Variants in TG observed in about 807,000 individuals in gnomAD.
TG encodes thyroid hormones.
TG carries 270 observed loss-of-function variants against 324.7 expected under a neutral mutation model. The ratio of observed to expected loss-of-function variants is 0.83; its 90% CI spans 0.75 to 0.92. The LOEUF is 0.92. TG is among the 40% of genes least tolerant of loss of function. The probability of loss-of-function intolerance (pLI) is 0.00; values close to 1 mark genes in which losing one functional copy is unlikely to be tolerated. For missense variants in TG, 3,591 were observed against 3,456.4 expected (o/e 1.04, Z -0.98); for synonymous variants, 1,401 against 1,327.0 (o/e 1.06, Z -1.21).
At chr8:133,067,562 G>A (rs1381014342) in intron 41 of TG, among the ~76,000 whole-genome samples, 5 of 152,096 alleles carry the variant, frequency 3.3e-5, no homozygotes, top group South Asian at 2.1e-4. Context: ...GATCACCTGA[G>A]GTCAGGAGTT....
intron 26 of TG, among the ~76,000 whole-genome samples, chr8:132,946,037 TACAC>T (rs5895165): frequency 0.033 from 3,901 of 116,884 alleles, 102 homozygotes; most frequent in African/African-American, 0.076. Flanking sequence ...AAAAATATGT[TACAC>T]ACACACACAC....
chr8:132,937,229 G>A lies in TG; in HGVS notation c.5041+1365G>A, dbSNP rs182172531. Among the ~76,000 whole-genome samples the A allele has an allele frequency of 3.7e-3, 559 of 152,300 alleles. 6 individuals carry two copies. Among genetic ancestry groups the A allele is most frequent in the African/African-American group, 0.013 (525 of 41,560 alleles). On this transcript the variant is annotated intron_variant, in intron 25 of 47. Transcript: ENST00000220616. ...GGGGAGTACAGGTGTCACTCTCTGA[G>A]GTTCGTAACTCAGGGCAAGTGGCTC...
At chr8:133,107,978 T>TC (rs1358277647) in intron 43 of TG, among the ~76,000 whole-genome samples, 29,998 of 140,114 alleles carry the variant, frequency 0.21, 3,805 homozygotes, top group South Asian at 0.28. Flanking sequence ...TCTTTTCTTT[T>TC]CTTCTTTTTT....
At chr8:133,021,515 T>C (rs891361536) in intron 39 of TG, among the ~76,000 whole-genome samples, 2 of 152,204 alleles carry the variant, frequency 1.3e-5, no homozygotes, top group African/African-American at 4.8e-5. Context: ...GTTTAATAGT[T>C]GCTCAGGCTG....
chr8:133,096,307 A>G lies in TG; in HGVS notation c.7506A>G (p.Val2502=). 1 of 1,614,200 alleles carries G rather than the reference A, an allele frequency of 6.2e-7. No homozygotes were observed. Among genetic ancestry groups the G allele is most frequent in the South Asian group, 1.1e-5 (1 of 91,082 alleles). The change falls in exon 43 of 48, where the codon GTA becomes GTG. Residue 2502 remains valine, a synonymous_variant. Transcript: ENST00000220616. ...PARALKRSLW[V]EVDLLIGSSQ... ...GAGCACTGAAGAGGTCTTTATGGGTAGAGGTCGATCTGCTCATTGGGAGTT... is the reference window on the plus strand; with the variant it reads ...GAGCACTGAAGAGGTCTTTATGGGTGGAGGTCGATCTGCTCATTGGGAGTT...
chr8:132,980,887 C>A (rs561050567), intron 34 of TG, among the ~76,000 whole-genome samples: 2 of 152,064 alleles, frequency 1.3e-5, no homozygotes, highest in East Asian at 1.9e-4. Context: ...GCACTGCATG[C>A]GGTAAGAGTA....
chr8:132,912,301 A>G (rs1030452333), intron 19 of TG, among the ~76,000 whole-genome samples: 3 of 152,158 alleles, frequency 2.0e-5, no homozygotes, highest in African/African-American at 7.2e-5. Context: ...TCTTTCTCCA[A>G]AGAGAGCCTG....
intron 45 of TG, among the ~76,000 whole-genome samples, chr8:133,118,187 G>A (rs72729570): frequency 0.02 from 3,118 of 152,220 alleles, 57 homozygotes; most frequent in Middle Eastern, 0.034. Context: ...GACATGGCCA[G>A]TGATTTGGCC....
chr8:132,882,058 T>C, intron 6 of TG, 89 bp downstream of exon 6: 2 of 958,698 alleles, frequency 2.1e-6, no homozygotes, highest in South Asian at 2.8e-5. Context: ...AAAGCACAGC[T>C]AGAGTGACTG....
Position 133,096,070 on chromosome 8 carries a change from T to G in TG, c.7405-136T>G, listed in dbSNP as rs182347945. 5.2e-4 allele frequency: 554 copies of G among 1,055,484 alleles called. 4 individuals are homozygous for G. The highest frequency in any genetic ancestry group is 1.2e-3 in the South Asian group (92 of 75,520). The allele number at this position is 1,055,484 out of a possible 1,614,324, so 65.4% of individuals were successfully genotyped here. On this transcript the variant is annotated intron_variant, in intron 42 of 47. Coordinates refer to ENST00000220616, the MANE Select transcript of TG (RefSeq NM_003235.5). ...TGTCACATGGTGTCCTGCCTGCCAGTTGTCCTGGTCACTTTTTCTCAGTAG... is the reference window on the plus strand; with the variant it reads ...TGTCACATGGTGTCCTGCCTGCCAGGTGTCCTGGTCACTTTTTCTCAGTAG...
rs773948714 is a variant in TG, at chr8:132,971,818, C to G, written c.6000C>G (p.Cys2000Trp). The G allele has an allele frequency of 4.3e-6, 7 of 1,613,314 alleles. No individual in the cohort carries two copies. Among genetic ancestry groups the G allele is most frequent in the Non-Finnish European group, 5.9e-6 (7 of 1,179,416 alleles). Residue 2000 changes from cysteine (C) to tryptophan (W), a missense_variant, in exon 33 of 48, where the codon TGC (cysteine) becomes TGG (tryptophan). By Grantham distance (215) the Cys-to-Trp change is radical. Transcript: ENST00000220616. The stretch of plus-strand genomic sequence containing the variant: ...GGTTCTTTGAATGTGAACGACGGTG[C>G]GATGCGGACCCATGCTGCACTGGCT... ...SNGFFECERR[C>W]DADPCCTGFG...
chr8:133,083,529 A>G (rs983133992), intron 41 of TG, among the ~76,000 whole-genome samples: 3 of 152,142 alleles, frequency 2.0e-5, no homozygotes, highest in African/African-American at 7.2e-5. Flanking sequence ...GATGGACCCC[A>G]TGGCCTATGC....
At chr8:133,078,773 C>T (rs962716769) in intron 41 of TG, among the ~76,000 whole-genome samples, 1 of 152,212 alleles carries the variant, frequency 6.6e-6, no homozygotes, top group African/African-American at 2.4e-5. Context: ...CTTTAGCCAA[C>T]ATCTATTGTA....
At chr8:132,989,357 T>G (rs967408686) in intron 35 of TG, among the ~76,000 whole-genome samples, 1 of 152,236 alleles carries the variant, frequency 6.6e-6, no homozygotes, top group East Asian at 1.9e-4. Flanking sequence ...CTATGTGTGT[T>G]TCACATGAAT....
In TG at chr8:132,898,325, C is replaced by T. The variant is rs947597301; in HGVS notation, c.3217+79C>T. Reference sequence around the variant, plus strand: ...GTCTAGTCAGCTGTGGTTGCCTAACCGCTGGAGACTCCATGGCCCAGCCCT... The same window carrying T: ...GTCTAGTCAGCTGTGGTTGCCTAACTGCTGGAGACTCCATGGCCCAGCCCT... On this transcript the variant is annotated intron_variant, in intron 13 of 47. Transcript: ENST00000220616. The T allele has an allele frequency of 3.3e-5, 45 of 1,365,316 alleles. No individual in the cohort carries two copies. In the Middle Eastern group the frequency reaches 7.4e-4, roughly 23 times the overall value. 84.6% of individuals were successfully genotyped at this position (1,365,316 alleles called of 1,614,324 possible). A position where few individuals can be genotyped will look rare whatever the true frequency, so the allele number is the denominator to read the frequency against.
rs565846823 is a variant in TG at position 132,965,052 on chromosome 8, A to G, written c.5549-1508A>G. 2.3e-4 allele frequency: 152 copies of G among 655,192 alleles called. 3 individuals are homozygous for G. In the South Asian group the frequency reaches 2.4e-3, roughly 10 times the overall value. The allele number at this position is 655,192 out of a possible 1,614,324, so 40.6% of individuals were successfully genotyped here. ...TCTCTTTCTGCTTTCTTGAGGGGCAATCTGTGATTTCCCTGAGCTCCTACT... is the reference window on the plus strand; with the variant it reads ...TCTCTTTCTGCTTTCTTGAGGGGCAGTCTGTGATTTCCCTGAGCTCCTACT... On this transcript the variant is annotated intron_variant, in intron 29 of 47. Transcript: ENST00000220616.
At chr8:133,066,783 T>C (rs1470408874) in intron 41 of TG, among the ~76,000 whole-genome samples, 1 of 152,166 alleles carries the variant, frequency 6.6e-6, no homozygotes, top group Non-Finnish European at 1.5e-5. Context: ...TGGGGTTGTT[T>C]TGAGGTTGAA....
Position 133,134,692 on chromosome 8 carries a change from G to T in TG, c.8205G>T (p.Gly2735=). 6.2e-7 allele frequency: 1 copy of T among 1,614,026 alleles called. No individual in the cohort carries two copies. The highest frequency in any genetic ancestry group is 1.1e-5 in the South Asian group (1 of 91,076). ...LKTSADGAKG[G]QSAESEEEEL... ...CTGTTTCAGATGGAGCCAAGGGCGG[G>T]CAGTCAGCAGAGAGTGAAGAGGAGG... The change falls in exon 48 of 48, where the codon GGG becomes GGT. Residue 2735 remains glycine, a synonymous_variant. Transcript: ENST00000220616.
At position 132,933,739 on chromosome 8, in the gene TG, G is replaced by A. The variant is rs138335564; in HGVS notation, c.4932+63G>A. 558 of 1,478,038 alleles carry A rather than the reference G, an allele frequency of 3.8e-4. 2 individuals carry two copies. In the African/African-American group the frequency reaches 7.2e-3, roughly 19 times the overall value. 91.6% of individuals were successfully genotyped at this position (1,478,038 alleles called of 1,614,324 possible). ...CCGCTGTGGATCAGATGTGCTCTGA[G>A]GAGCGGGCAGCAGGCTGGCCAGGCG... On this transcript the variant is annotated intron_variant, in intron 24 of 47. Transcript: ENST00000220616.
Sources: allele counts gnomAD v4.1 joint callset (sites outside exome capture counted in the v4.1 genomes callset), GRCh38; gene constraint gnomAD v4.1.1; transcripts MANE v1.5; gene names NCBI Gene and HGNC (gene_info 2026-07-23, HGNC 2026-07-21).